The following ADCY8 variants were observed in gnomAD, a reference collection of about 807,000 sequenced individuals.
The protein encoded by ADCY8 is adenylate cyclase type 8.
In ADCY8, 51 loss-of-function variants were observed where a neutral mutation model predicts 119.7. The observed-to-expected ratio is 0.43, with a 90% CI of 0.34 to 0.54. The LOEUF (loss-of-function observed/expected upper bound fraction) is 0.54. Ranked by LOEUF, ADCY8 falls within the 20% of genes least tolerant of loss-of-function variation. ADCY8 has a pLI of 0.03. For missense variants in ADCY8, 1,383 were observed against 1,598.8 expected, an observed-to-expected ratio of 0.87 and a Z score of 2.30; for synonymous variants, 665 against 651.0, an observed-to-expected ratio of 1.02 and a Z score of -0.33.
chr8:130,935,127 T>C (rs1820745995), intron 5 of ADCY8, among the ~76,000 whole-genome samples: 1 of 152,228 alleles, frequency 6.6e-6, no homozygotes, highest in African/African-American at 2.4e-5. Context: ...ACATGCCTTC[T>C]GCTGATGGAA....
intron 1 of ADCY8, among the ~76,000 whole-genome samples, chr8:131,007,816 T>G (rs1300700304): frequency 6.6e-6 from 1 of 152,196 alleles, no homozygotes; most frequent in African/African-American, 2.4e-5. Context: ...TGCCCTCAAG[T>G]AGTTCAGGTC....
At chr8:130,795,068 A>G (rs754069782) in intron 15 of ADCY8, among the ~76,000 whole-genome samples, 2 of 152,222 alleles carry the variant, frequency 1.3e-5, no homozygotes, top group Non-Finnish European at 2.9e-5. Flanking sequence ...TCTACTAAAA[A>G]TAAAAACCCC....
intron 3 of ADCY8, among the ~76,000 whole-genome samples, chr8:130,945,648 A>G (rs1046689650): frequency 2.0e-5 from 3 of 152,276 alleles, no homozygotes; most frequent in African/African-American, 7.2e-5. Flanking sequence ...ACAAAATTAT[A>G]CTATAATTGC....
intron 1 of ADCY8, among the ~76,000 whole-genome samples, chr8:131,004,804 C>G (rs1823064172): frequency 6.6e-6 from 1 of 152,148 alleles, no homozygotes; most frequent in Non-Finnish European, 1.5e-5. Context: ...GCAGCCTTCT[C>G]TTAGGGAAGG....
rs186165777 is a variant in ADCY8 at position 130,850,719 on chromosome 8, C to A, written c.2211-916G>T. On this transcript the variant is annotated intron_variant, in intron 9 of 17. Coordinates refer to ENST00000286355, the MANE Select transcript of ADCY8 (RefSeq NM_001115.3). ...AGGTTTATTCATCTGGCATTAATAT[C>A]TTCCATTGGCCAGTGCTAAATAAAT... Among the ~76,000 whole-genome samples, 753 of 152,208 alleles carry A rather than the reference C, an allele frequency of 4.9e-3. 5 individuals carry two copies. The highest frequency in any genetic ancestry group is 9.3e-3 in the Admixed American group (142 of 15,268).
At chr8:130,880,083 T>G (rs963503783) in intron 8 of ADCY8, among the ~76,000 whole-genome samples, 1 of 152,190 alleles carries the variant, frequency 6.6e-6, no homozygotes, top group Non-Finnish European at 1.5e-5. Flanking sequence ...AAGATGTGAC[T>G]TGCTCCTCCT....
intron 9 of ADCY8, among the ~76,000 whole-genome samples, chr8:130,854,659 T>C (rs529135217): frequency 6.2e-4 from 95 of 152,368 alleles, no homozygotes; most frequent in African/African-American, 2.2e-3. Flanking sequence ...GTTAATTTAA[T>C]TTTTACTGCA....
At chr8:130,975,742 CTAACTCT>C (rs1822052015) in intron 2 of ADCY8, among the ~76,000 whole-genome samples, 1 of 152,176 alleles carries the variant, frequency 6.6e-6, no homozygotes, top group African/African-American at 2.4e-5. Flanking sequence ...CCAGGCCTGT[CTAACTCT>C]ATTGTCTATG....
chr8:131,040,372 G>GA lies in ADCY8; in HGVS notation c.-40dup, dbSNP rs1321256033. Reference sequence around the variant, plus strand: ...AGGGAAGGAGGCCCAGAACCTTGGGGAGGCAGCCGGAGGAGGGGTTCCTAA... The same window carrying GA: ...AGGGAAGGAGGCCCAGAACCTTGGGGAAGGCAGCCGGAGGAGGGGTTCCTAA... On this transcript the variant is annotated 5_prime_UTR_variant, in exon 1 of 18. Coordinates refer to ENST00000286355, the MANE Select transcript of ADCY8 (RefSeq NM_001115.3). 1.4e-6 allele frequency: 2 copies of GA among 1,449,456 alleles called. No individual in the cohort carries two copies. Among genetic ancestry groups the GA allele is most frequent in the Admixed American group, 5.1e-5 (2 of 39,234 alleles). 89.8% of individuals were successfully genotyped at this position (1,449,456 alleles called of 1,614,324 possible).
At chr8:130,818,066 T>C (rs1447849105) in intron 13 of ADCY8, among the ~76,000 whole-genome samples, 1 of 152,102 alleles carries the variant, frequency 6.6e-6, no homozygotes, top group Non-Finnish European at 1.5e-5. Flanking sequence ...AGAAATACAG[T>C]ACAAACAAAA....
At chr8:130,854,560 T>A (rs917269138) in intron 9 of ADCY8, among the ~76,000 whole-genome samples, 1 of 152,178 alleles carries the variant, frequency 6.6e-6, no homozygotes, top group Admixed American at 6.5e-5. Flanking sequence ...CTTTGATCCT[T>A]GCAGCAACCC....
At chr8:130,859,135 A>G (rs1015157223) in intron 9 of ADCY8, among the ~76,000 whole-genome samples, 2 of 152,184 alleles carry the variant, frequency 1.3e-5, no homozygotes, top group African/African-American at 4.8e-5. Flanking sequence ...CATTGCTTCC[A>G]GGCCCTCTCC....
intron 8 of ADCY8, among the ~76,000 whole-genome samples, chr8:130,873,620 A>T (rs1563705668): frequency 6.6e-6 from 1 of 151,848 alleles, no homozygotes; most frequent in Non-Finnish European, 1.5e-5. Flanking sequence ...ACGCCTGGCC[A>T]CTCTGTCTTT....
At chr8:130,989,955 T>C (rs535332464) in intron 2 of ADCY8, among the ~76,000 whole-genome samples, 6 of 152,146 alleles carry the variant, frequency 3.9e-5, no homozygotes, top group African/African-American at 9.7e-5. Context: ...AAAAATCAGG[T>C]TGTGGTTTTA....
chr8:130,828,076 C>T (rs548938811), intron 12 of ADCY8, among the ~76,000 whole-genome samples: 11 of 152,186 alleles, frequency 7.2e-5, no homozygotes, highest in Admixed American at 5.9e-4. Context: ...GGCTAACCCC[C>T]GGGGTTATCC....
At chr8:130,852,863 G>A (rs976075696) in intron 9 of ADCY8, among the ~76,000 whole-genome samples, 1 of 152,168 alleles carries the variant, frequency 6.6e-6, no homozygotes. Flanking sequence ...TTCCTGCAAG[G>A]CTCAGCTTTC....
rs188595219 is a variant in ADCY8, at chr8:130,916,448, G to A, written c.1482-6582C>T. Reference sequence around the variant, plus strand: ...TGCTGGACTTTAGTGTCAGCCTGCCGTATGAAACGTAGGGTCCATCTGCTT... The same window carrying A: ...TGCTGGACTTTAGTGTCAGCCTGCCATATGAAACGTAGGGTCCATCTGCTT... On this transcript the variant is annotated intron_variant, in intron 5 of 17. Transcript: ENST00000286355. Among the ~76,000 whole-genome samples, 354 of 152,298 alleles carry A rather than the reference G, an allele frequency of 2.3e-3. 2 individuals are homozygous for A. Among genetic ancestry groups the A allele is most frequent in the African/African-American group, 8.0e-3 (334 of 41,564 alleles).
At chr8:130,916,579 CAT>C (rs1820135784) in intron 5 of ADCY8, among the ~76,000 whole-genome samples, 2 of 152,230 alleles carry the variant, frequency 1.3e-5, no homozygotes, top group South Asian at 4.1e-4. Context: ...AGCAATGTAA[CAT>C]GTCCATAATG....
intron 7 of ADCY8, among the ~76,000 whole-genome samples, chr8:130,897,944 TAACA>T (rs990248459): frequency 6.7e-6 from 1 of 148,666 alleles, no homozygotes; most frequent in African/African-American, 2.5e-5. Flanking sequence ...CAAATACACA[TAACA>T]CACACCACAC....
Sources: allele counts gnomAD v4.1 joint callset (sites outside exome capture counted in the v4.1 genomes callset), GRCh38; gene constraint gnomAD v4.1.1; transcripts MANE v1.5; gene names NCBI Gene and HGNC (gene_info 2026-07-23, HGNC 2026-07-21).